The following CNTNAP2 variants were observed in gnomAD, a reference collection of about 807,000 sequenced individuals.
CNTNAP2 encodes the protein contactin associated protein 2.
Under a neutral mutation model 155.2 loss-of-function variants are expected in CNTNAP2, and 98 were observed. The ratio of observed to expected loss-of-function variants is 0.63; its 90% CI spans 0.54 to 0.75. CNTNAP2 has a LOEUF of 0.75. CNTNAP2 is among the 30% of genes least tolerant of loss of function. The pLI, the probability that CNTNAP2 is intolerant of heterozygous loss-of-function variation, is 0.00. For synonymous variants in CNTNAP2, 651 were observed against 631.2 expected (o/e 1.03, Z -0.47); for missense variants, 1,727 against 1,688.1 (o/e 1.02, Z -0.40).
intron 17 of CNTNAP2, among the ~76,000 whole-genome samples, chr7:148,169,373 A>G (rs1805732221): frequency 6.6e-6 from 1 of 152,234 alleles, no homozygotes; most frequent in South Asian, 2.1e-4. Flanking sequence ...AATTCTTCTT[A>G]GAAGAAAACA....
intron 1 of CNTNAP2, among the ~76,000 whole-genome samples, chr7:146,427,937 A>G (rs1796116241): frequency 6.6e-6 from 1 of 152,062 alleles, no homozygotes; most frequent in Non-Finnish European, 1.5e-5. Flanking sequence ...GTTCCCTGCC[A>G]TGTGTCCATA....
chr7:146,768,264 A>T (rs1398367458), intron 1 of CNTNAP2, among the ~76,000 whole-genome samples: 1 of 151,570 alleles, frequency 6.6e-6, no homozygotes, highest in African/African-American at 2.4e-5. Context: ...AAGCTGAACG[A>T]AAAGCTCTTC....
chr7:148,398,408 A>G lies in CNTNAP2; in HGVS notation c.3716-10983A>G, dbSNP rs553340956. Among the ~76,000 whole-genome samples the G allele has an allele frequency of 4.6e-5, 7 of 152,380 alleles. No homozygotes were observed. In the East Asian group the frequency reaches 1.3e-3, roughly 29 times the overall value. On this transcript the variant is annotated intron_variant, in intron 22 of 23. Transcript: ENST00000361727. ...AAAACAGCGTCTTCTGCAAGTTGAG[A>G]TACCGAGGTTCCAGCAGAAGATAAA...
intron 1 of CNTNAP2, among the ~76,000 whole-genome samples, chr7:146,639,692 G>T (rs1449444816): frequency 6.6e-6 from 1 of 152,202 alleles, no homozygotes; most frequent in Non-Finnish European, 1.5e-5. Context: ...GTTAGCAATT[G>T]CTGAGAATTG....
chr7:146,883,927 T>G (rs1222765748), intron 3 of CNTNAP2, among the ~76,000 whole-genome samples: 1 of 152,128 alleles, frequency 6.6e-6, no homozygotes, highest in Admixed American at 6.6e-5. Flanking sequence ...GAAGTGTCAT[T>G]TATTAGTTTT....
chr7:146,905,500 A>C (rs1035600764), intron 3 of CNTNAP2, among the ~76,000 whole-genome samples: 8 of 152,138 alleles, frequency 5.3e-5, no homozygotes, highest in Non-Finnish European at 1.2e-4. Flanking sequence ...AAATTCTTTG[A>C]TCAGAGTTGC....
At chr7:146,356,844 T>C (rs905833584) in intron 1 of CNTNAP2, among the ~76,000 whole-genome samples, 2 of 152,156 alleles carry the variant, frequency 1.3e-5, no homozygotes, top group African/African-American at 2.4e-5. Flanking sequence ...AACATTCTAC[T>C]TTCCATTTTC....
chr7:146,316,028 A>AAGATACATG (rs1414332413), intron 1 of CNTNAP2, among the ~76,000 whole-genome samples: 1 of 152,206 alleles, frequency 6.6e-6, no homozygotes, highest in East Asian at 1.9e-4. Flanking sequence ...CTATACACAG[A>AAGATACATG]AGATACATGA....
At chr7:147,021,669 C>T (rs1394782979) in intron 3 of CNTNAP2, among the ~76,000 whole-genome samples, 1 of 152,148 alleles carries the variant, frequency 6.6e-6, no homozygotes, top group Non-Finnish European at 1.5e-5. Flanking sequence ...TGGTTTAATT[C>T]ACTTTGGAAC....
At chr7:146,605,263 A>T (rs1226336988) in intron 1 of CNTNAP2, among the ~76,000 whole-genome samples, 2 of 150,998 alleles carry the variant, frequency 1.3e-5, no homozygotes, top group African/African-American at 4.9e-5. Context: ...CATTTTGTGT[A>T]TTATTGTACT....
chr7:148,113,746 A>G (rs1031268990), intron 15 of CNTNAP2, among the ~76,000 whole-genome samples: 3 of 152,162 alleles, frequency 2.0e-5, no homozygotes, highest in Non-Finnish European at 2.9e-5. Flanking sequence ...CCTAACATGC[A>G]GTCACAAAGC....
At chr7:147,795,302 TGCC>T (rs1797876187) in intron 13 of CNTNAP2, among the ~76,000 whole-genome samples, 1 of 152,088 alleles carries the variant, frequency 6.6e-6, no homozygotes, top group Non-Finnish European at 1.5e-5. Context: ...TCACAATTTC[TGCC>T]TTTTAATTAG....
chr7:146,847,061 T>G (rs1198777567), intron 3 of CNTNAP2, among the ~76,000 whole-genome samples: 1 of 152,088 alleles, frequency 6.6e-6, no homozygotes, highest in Non-Finnish European at 1.5e-5. Context: ...CAATGCTAAT[T>G]TTTTTTATCG....
chr7:147,759,770 G>A (rs988792591), intron 13 of CNTNAP2, among the ~76,000 whole-genome samples: 24 of 152,220 alleles, frequency 1.6e-4, no homozygotes, highest in African/African-American at 4.3e-4. Context: ...TTGTGGTTAC[G>A]AAACAGCTCC....
intron 1 of CNTNAP2, among the ~76,000 whole-genome samples, chr7:146,452,597 T>C (rs1359930781): frequency 6.6e-6 from 1 of 152,250 alleles, no homozygotes; most frequent in Non-Finnish European, 1.5e-5. Context: ...TTATCAGATA[T>C]TCAATCGCCT....
Position 147,029,277 on chromosome 7 carries a change from G to C in CNTNAP2, c.403-14630G>C, listed in dbSNP as rs1267703. ...TGCGCCGGGCCTAAGATACATTCTT[G>C]AGTGAGAAAGATTCCAGGAGAAGAT... On this transcript the variant is annotated intron_variant, in intron 3 of 23. Transcript: ENST00000361727. Among the ~76,000 whole-genome samples, 500 of 152,156 alleles carry C rather than the reference G, an allele frequency of 3.3e-3. 5 individuals are homozygous for C. Among genetic ancestry groups the C allele is most frequent in the Non-Finnish European group, 5.8e-3 (396 of 67,978 alleles).
intron 15 of CNTNAP2, among the ~76,000 whole-genome samples, chr7:148,034,445 C>G (rs1802536884): frequency 6.6e-6 from 1 of 152,146 alleles, no homozygotes; most frequent in Non-Finnish European, 1.5e-5. Flanking sequence ...GAAGTGGATT[C>G]ATGGTCTTGG....
At chr7:147,170,791 C>T (rs999691744) in intron 8 of CNTNAP2, among the ~76,000 whole-genome samples, 8 of 152,046 alleles carry the variant, frequency 5.3e-5, no homozygotes, top group African/African-American at 9.7e-5. Context: ...GGGCAGCAGA[C>T]GCTTCACTGT....
intron 1 of CNTNAP2, among the ~76,000 whole-genome samples, chr7:146,168,688 T>C (rs1798347477): frequency 6.6e-6 from 1 of 152,182 alleles, no homozygotes. Flanking sequence ...TGCATCCACT[T>C]TCTCACTCCT....
Sources: gnomAD v4.1 joint callset for allele counts (sites outside exome capture counted in the v4.1 genomes callset) on GRCh38, gnomAD v4.1.1 for gene constraint, MANE v1.5 for transcripts, NCBI Gene and HGNC (gene_info 2026-07-23, HGNC 2026-07-21) for gene names.